Variants in RNF38 observed in about 807,000 individuals in gnomAD.
The protein encoded by RNF38 is ring finger protein 38.
In RNF38, 15 loss-of-function variants were observed where a neutral mutation model predicts 67.2. The observed-to-expected ratio is 0.22, with a 90% CI of 0.15 to 0.34. The LOEUF (loss-of-function observed/expected upper bound fraction) is 0.34, where lower values mean the gene tolerates loss of function less well. Among genes scored for constraint, RNF38 ranks in the 10% least tolerant of loss-of-function variants. The pLI is 1.00. For missense variants in RNF38, 524 were observed against 639.9 expected, an observed-to-expected ratio of 0.82 and a Z score of 1.95; for synonymous variants, 220 against 218.8, an observed-to-expected ratio of 1.01 and a Z score of -0.05.
rs1008155441 is a variant in RNF38 at position 36,339,028 on chromosome 9, G to A, written c.*724C>T. 3 of 152,562 alleles carry A rather than the reference G, an allele frequency of 2.0e-5. No homozygotes were observed. Among genetic ancestry groups the A allele is most frequent in the African/African-American group, 7.2e-5 (3 of 41,416 alleles). 9.5% of individuals were successfully genotyped at this position (152,562 alleles called of 1,614,324 possible). On this transcript the variant is annotated 3_prime_UTR_variant, in exon 12 of 12. Transcript: ENST00000259605. ...CACCAATAAAGAGAAGGTGACAGCT[G>A]CCTGAAGCAAAGGAAGAAGGCTTTT...
At chr9:36,476,511 C>T (rs1346212055) in intron 1 of RNF38, among the ~76,000 whole-genome samples, 2 of 143,814 alleles carry the variant, frequency 1.4e-5, no homozygotes, top group Admixed American at 7.4e-5. Context: ...AATGGACTAT[C>T]GGGCAATCTT....
At chr9:36,375,607 T>C (rs1159789548) in intron 3 of RNF38, among the ~76,000 whole-genome samples, 1 of 152,196 alleles carries the variant, frequency 6.6e-6, no homozygotes, top group Non-Finnish European at 1.5e-5. Flanking sequence ...CATATATCCT[T>C]ACAGTTATGA....
At chr9:36,361,247 G>T (rs1318824398) in intron 4 of RNF38, among the ~76,000 whole-genome samples, 1 of 151,818 alleles carries the variant, frequency 6.6e-6, no homozygotes, top group African/African-American at 2.4e-5. Context: ...TGCCTCCTGG[G>T]ATCACACCAC....
intron 1 of RNF38, among the ~76,000 whole-genome samples, chr9:36,429,062 T>TG (rs1838860866): frequency 6.6e-6 from 1 of 152,264 alleles, no homozygotes; most frequent in East Asian, 1.9e-4. Context: ...ACAAGGTCCC[T>TG]GCTCTTCATG....
At chr9:36,396,549 T>C (rs1455945325) in intron 1 of RNF38, among the ~76,000 whole-genome samples, 1 of 152,148 alleles carries the variant, frequency 6.6e-6, no homozygotes, top group Non-Finnish European at 1.5e-5. Context: ...TGAAAGGATT[T>C]TGACAGTGTG....
chr9:36,468,642 T>C (rs1294876177), intron 1 of RNF38, among the ~76,000 whole-genome samples: 2 of 151,998 alleles, frequency 1.3e-5, no homozygotes, highest in East Asian at 3.9e-4. Context: ...GGAAACCCCG[T>C]CTCTATTAAA....
intron 2 of RNF38, among the ~76,000 whole-genome samples, chr9:36,417,386 G>T (rs1275514741): frequency 6.6e-6 from 1 of 152,164 alleles, no homozygotes; most frequent in Non-Finnish European, 1.5e-5. Flanking sequence ...AGTTAATCCT[G>T]CCCGCTTTTG....
intron 1 of RNF38, among the ~76,000 whole-genome samples, chr9:36,478,727 G>C (rs1840181640): frequency 6.7e-6 from 1 of 150,178 alleles, no homozygotes; most frequent in African/African-American, 2.4e-5. Context: ...TAAGGCAGGA[G>C]AATGGCTTGA....
intron 5 of RNF38, among the ~76,000 whole-genome samples, chr9:36,357,367 T>C (rs1214096417): frequency 1.3e-5 from 2 of 152,202 alleles, no homozygotes; most frequent in Non-Finnish European, 2.9e-5. Context: ...AAAGTGCCCA[T>C]TAAAACTCAG....
chr9:36,386,725 T>A (rs1935869603), intron 2 of RNF38, among the ~76,000 whole-genome samples: 1 of 152,158 alleles, frequency 6.6e-6, no homozygotes, highest in African/African-American at 2.4e-5. Flanking sequence ...TGACCTCTGG[T>A]CATCCTCACT....
intron 1 of RNF38, among the ~76,000 whole-genome samples, chr9:36,440,080 T>C (rs12378042): frequency 2.0e-5 from 3 of 151,958 alleles, no homozygotes; most frequent in Non-Finnish European, 2.9e-5. Flanking sequence ...ACCCTGTCTC[T>C]ACTAAAAATA....
chr9:36,378,755 C>T (rs563881979), intron 2 of RNF38, among the ~76,000 whole-genome samples: 3 of 152,094 alleles, frequency 2.0e-5, no homozygotes, highest in Non-Finnish European at 4.4e-5. Flanking sequence ...ACAAGACATG[C>T]AAAGCTTTTA....
Position 36,342,674 on chromosome 9 carries a change from A to T in RNF38, c.1386-250T>A, listed in dbSNP as rs560847926. On this transcript the variant is annotated intron_variant, in intron 10 of 11. Transcript: ENST00000259605. ...AATACCAAAGATTCTATACTATTTA[A>T]AAAAAAATGGTATTAGAACTGGATG... Among the ~76,000 whole-genome samples, 133 of 152,226 alleles carry T rather than the reference A, an allele frequency of 8.7e-4. 2 individuals carry two copies. The South Asian group carries it at 0.024, about 27-fold the overall frequency.
In RNF38 at chr9:36,393,478, T is replaced by C. The variant is rs1419395875; in HGVS notation, c.13-2862A>G. On this transcript the variant is annotated intron_variant, in intron 1 of 11. Transcript: ENST00000259605. ...GTAAAATAAAATCACACACACACATTGTGTGTGTGTGTGTGTGTGTGTGTG... is the reference window on the plus strand; with the variant it reads ...GTAAAATAAAATCACACACACACATCGTGTGTGTGTGTGTGTGTGTGTGTG... Among the ~76,000 whole-genome samples, 48 of 10,920 alleles carry C rather than the reference T, an allele frequency of 4.4e-3. No individual in the cohort carries two copies. The South Asian group carries it at 0.05, about 11-fold the overall frequency. The allele number at this position is 10,920 out of a possible 152,430, so 7.2% of individuals were successfully genotyped here.
intron 2 of RNF38, among the ~76,000 whole-genome samples, chr9:36,379,304 C>T (rs973985761): frequency 2.0e-5 from 3 of 152,196 alleles, no homozygotes; most frequent in Non-Finnish European, 4.4e-5. Flanking sequence ...CATCACTTCC[C>T]TTATCAATTT....
At chr9:36,344,605 A>G (rs1289553588) in intron 10 of RNF38, among the ~76,000 whole-genome samples, 1 of 152,212 alleles carries the variant, frequency 6.6e-6, no homozygotes, top group Non-Finnish European at 1.5e-5. Context: ...TACGACTAAG[A>G]CATTTAATTT....
chr9:36,484,705 C>T (rs1382497462), intron 1 of RNF38, among the ~76,000 whole-genome samples: 1 of 152,124 alleles, frequency 6.6e-6, no homozygotes, highest in Non-Finnish European at 1.5e-5. Flanking sequence ...TAGCCACAAA[C>T]AATATTATTT....
intron 1 of RNF38, among the ~76,000 whole-genome samples, chr9:36,398,279 T>C (rs979985944): frequency 6.6e-6 from 1 of 152,010 alleles, no homozygotes; most frequent in Non-Finnish European, 1.5e-5. Context: ...AAGGGAAAGA[T>C]CTAAGGCAGG....
At chr9:36,459,960 T>C (rs193235493) in intron 1 of RNF38, among the ~76,000 whole-genome samples, 119 of 152,160 alleles carry the variant, frequency 7.8e-4, no homozygotes, top group Middle Eastern at 6.8e-3. Context: ...TCCAATACTA[T>C]AAGAGAAAAT....
Sources: gnomAD v4.1 joint callset for allele counts (sites outside exome capture counted in the v4.1 genomes callset) on GRCh38, gnomAD v4.1.1 for gene constraint, MANE v1.5 for transcripts, NCBI Gene and HGNC (gene_info 2026-07-23, HGNC 2026-07-21) for gene names.